TEX9: variants seen among roughly 807,000 people sequenced by gnomAD.
TEX9 encodes the protein testis expressed 9.
TEX9 carries 74 observed loss-of-function variants against 59.6 expected under a neutral mutation model. The ratio of observed to expected loss-of-function variants is 1.24; its 90% CI spans 1.03 to 1.51. The LOEUF (loss-of-function observed/expected upper bound fraction) is 1.51, where lower values mean the gene tolerates loss of function less well. TEX9 is among the 40% of genes most tolerant of loss of function. The probability of loss-of-function intolerance (pLI) is 0.00; values close to 1 mark genes in which losing one functional copy is unlikely to be tolerated. For missense variants in TEX9, 522 were observed against 447.8 expected (o/e 1.17, Z -1.49); for synonymous variants, 186 against 152.2 (o/e 1.22, Z -1.64).
chr15:56,440,768 T>C (rs1424648805), intron 12 of TEX9, among the ~76,000 whole-genome samples: 1 of 152,228 alleles, frequency 6.6e-6, no homozygotes, highest in Non-Finnish European at 1.5e-5. Flanking sequence ...GCACATACTT[T>C]TAAATTTATA....
At chr15:56,427,534 A>ATGAT (rs1596241706) in intron 10 of TEX9, 71 bp from the exon 11 acceptor site, 4 of 1,076,616 alleles carry the variant, frequency 3.7e-6, no homozygotes, top group South Asian at 1.9e-5. Flanking sequence ...TACTGTTGTG[A>ATGAT]TGATAGTCTA....
At chr15:56,326,810 C>T (rs931823562) in intron 1 of TEX9, among the ~76,000 whole-genome samples, 3 of 152,114 alleles carry the variant, frequency 2.0e-5, no homozygotes, top group Non-Finnish European at 4.4e-5. Flanking sequence ...GAGCTATATT[C>T]CACAAATCTG....
chr15:56,272,049 C>T (rs1457635371), intron 1 of TEX9, among the ~76,000 whole-genome samples: 2 of 151,556 alleles, frequency 1.3e-5, no homozygotes, highest in Non-Finnish European at 2.9e-5. Context: ...GAGGCTGAGG[C>T]AGGGGAATGG....
chr15:56,403,249 C>T (rs12902201), intron 9 of TEX9, among the ~76,000 whole-genome samples: 45,374 of 152,094 alleles, frequency 0.3, 7,674 homozygotes, highest in Middle Eastern at 0.47. Context: ...TCGTCTCAGC[C>T]CAAAATCTCC....
the TEX9 span, among the ~76,000 whole-genome samples, chr15:56,454,242 G>A: frequency 6.6e-6 from 1 of 152,044 alleles, no homozygotes; most frequent in African/African-American, 2.4e-5. Flanking sequence ...GTATATATTT[G>A]TATATATTTA....
chr15:56,261,317 C>A (rs1192793378), intron 1 of TEX9, among the ~76,000 whole-genome samples: 1 of 150,614 alleles, frequency 6.6e-6, no homozygotes, highest in African/African-American at 2.4e-5. Context: ...GATTTTTTTT[C>A]TTTTCTGATA....
intron 1 of TEX9, among the ~76,000 whole-genome samples, chr15:56,267,130 A>C (rs139407065): frequency 0.036 from 5,442 of 152,260 alleles, 354 homozygotes; most frequent in African/African-American, 0.12. Flanking sequence ...TCTTCTTTTG[A>C]AAAGTGTCTG....
rs2046193488 is a variant in TEX9, at chr15:56,333,288, T to C, written c.-106-40153T>C. Among the ~76,000 whole-genome samples, 3 of 151,788 alleles carry C rather than the reference T, an allele frequency of 2.0e-5. No homozygotes were observed. In the South Asian group the frequency reaches 6.2e-4, roughly 31 times the overall value. On this transcript the variant is annotated intron_variant, in intron 1 of 5. Coordinates refer to the TEX9 transcript ENST00000560827. ...TCAACAAAACACTAGCAAACCAAAT[T>C]CAACAACACATCAAAAAGATCATTC... is the stretch of plus-strand genomic sequence containing the variant.
At chr15:56,426,389 CTTAG>C (rs527391711) in intron 10 of TEX9, among the ~76,000 whole-genome samples, 3 of 151,456 alleles carry the variant, frequency 2.0e-5, no homozygotes, top group South Asian at 4.2e-4. Flanking sequence ...ATGGCCTTTT[CTTAG>C]TTAGGCAGTC....
the TEX9 span, among the ~76,000 whole-genome samples, chr15:56,456,827 C>G: frequency 6.6e-6 from 1 of 151,922 alleles, no homozygotes; most frequent in Non-Finnish European, 1.5e-5. Flanking sequence ...CTCTTTTTTC[C>G]CTTATTCTTT....
the TEX9 span, among the ~76,000 whole-genome samples, chr15:56,460,009 A>AAAAAAAAAATATATATATATATAT: frequency 6.1e-4 from 16 of 26,374 alleles, 1 homozygote; most frequent in Non-Finnish European, 8.4e-4. Flanking sequence ...AAAAAAAAAA[A>AAAAAAAAAATATATATATATATAT]ATACATATAT....
intron 1 of TEX9, among the ~76,000 whole-genome samples, chr15:56,332,680 TAA>T (rs1410836516): frequency 7.1e-6 from 1 of 141,766 alleles, no homozygotes; most frequent in African/African-American, 2.6e-5. Flanking sequence ...AGAAAAGAAA[TAA>T]GACCAGAGCA....
chr15:56,444,427 A>G, intron 12 of TEX9: 1 of 1,575,272 alleles, frequency 6.3e-7, no homozygotes, highest in Non-Finnish European at 8.7e-7. Flanking sequence ...CATGTAAGAA[A>G]GTTAGGATAA....
intron 9 of TEX9, among the ~76,000 whole-genome samples, chr15:56,411,987 T>A (rs1279257311): frequency 6.6e-6 from 1 of 152,162 alleles, no homozygotes. Flanking sequence ...TATAATGAGT[T>A]GTTTATAAAA....
intron 1 of TEX9, among the ~76,000 whole-genome samples, chr15:56,265,350 T>C (rs1384285500): frequency 5.9e-5 from 9 of 151,798 alleles, no homozygotes; most frequent in Admixed American, 5.9e-4. Context: ...ATTTTTTATT[T>C]TTTGTAGAGA....
At position 56,271,708 on chromosome 15, in the gene TEX9, T is replaced by G. The variant is rs143936366; in HGVS notation, c.-107+27430T>G. On this transcript the variant is annotated intron_variant, in intron 1 of 5. Transcript: ENST00000560827. ...TTAGTGTTTGTATGGCATATGACTT[T>G]CTACCCTTTTATTTTGAACTATTTT... Among the ~76,000 whole-genome samples the G allele has an allele frequency of 4.2e-3, 633 of 152,368 alleles. 3 individuals carry two copies. Among genetic ancestry groups the G allele is most frequent in the African/African-American group, 0.014 (598 of 41,590 alleles).
At chr15:56,315,331 T>C (rs1211391372) in intron 1 of TEX9, among the ~76,000 whole-genome samples, 1 of 146,506 alleles carries the variant, frequency 6.8e-6, no homozygotes, top group African/African-American at 2.5e-5. Context: ...CAGGAGCTCT[T>C]GTAAGGCAGG....
intron 1 of TEX9, among the ~76,000 whole-genome samples, chr15:56,255,996 A>AT (rs1355459943): frequency 9.9e-5 from 15 of 152,204 alleles, no homozygotes; most frequent in Admixed American, 5.2e-4. Context: ...TTCAGGTTAC[A>AT]TTTTTTATAC....
At chr15:56,375,781 T>C (rs1251575188) in intron 3 of TEX9, among the ~76,000 whole-genome samples, 33 of 151,802 alleles carry the variant, frequency 2.2e-4, no homozygotes, top group Non-Finnish European at 4.3e-4. Context: ...CATATGTTTA[T>C]TGCGGCACTA....
Sources: allele counts gnomAD v4.1 joint callset (sites outside exome capture counted in the v4.1 genomes callset), GRCh38; gene constraint gnomAD v4.1.1; transcripts MANE v1.5; gene names NCBI Gene and HGNC (gene_info 2026-07-23, HGNC 2026-07-21).